The following PIEZO2 variants were observed in gnomAD, a reference collection of about 807,000 sequenced individuals.
PIEZO2 encodes piezo-type mechanosensitive ion channel component 2.
PIEZO2 carries 172 observed loss-of-function variants against 337.3 expected under a neutral mutation model. The ratio of observed to expected loss-of-function variants is 0.51; its 90% CI spans 0.45 to 0.58. The LOEUF (loss-of-function observed/expected upper bound fraction) is 0.58. Among genes scored for constraint, PIEZO2 ranks in the 20% least tolerant of loss-of-function variants. PIEZO2 has a pLI of 0.00. For missense variants in PIEZO2, 3,028 were observed against 3,391.3 expected, an observed-to-expected ratio of 0.89 and a Z score of 2.66; for synonymous variants, 1,251 against 1,228.5, an observed-to-expected ratio of 1.02 and a Z score of -0.38.
At chr18:10,981,671 G>A (rs1036936390) in intron 2 of PIEZO2, among the ~76,000 whole-genome samples, 5 of 152,152 alleles carry the variant, frequency 3.3e-5, no homozygotes, top group African/African-American at 7.2e-5. Context: ...GTTGCCAAAC[G>A]AGAGATTAAC....
Position 11,001,539 on chromosome 18 carries a change from T to C in PIEZO2, c.161-21879A>G, listed in dbSNP as rs956998034. On this transcript the variant is annotated intron_variant, in intron 2 of 55. Coordinates refer to ENST00000674853, the MANE Select transcript of PIEZO2 (RefSeq NM_001378183.1). The surrounding 1 kb of genome is among the most constrained non-coding windows in gnomAD (Gnocchi z 5.3). Reference sequence around the variant, plus strand: ...TAGCTGTATTTTGTTATGTGTTGTGTGTGCACATTTTCCAGAAATCAGAAG... The same window carrying C: ...TAGCTGTATTTTGTTATGTGTTGTGCGTGCACATTTTCCAGAAATCAGAAG... Among the ~76,000 whole-genome samples, 4 of 152,098 alleles carry C rather than the reference T, an allele frequency of 2.6e-5. No individual in the cohort carries two copies. The highest frequency in any genetic ancestry group is 5.9e-5 in the Non-Finnish European group (4 of 68,018).
intron 47 of PIEZO2, among the ~76,000 whole-genome samples, chr18:10,691,782 C>CATATATATATATATATATATAT (rs33977962): frequency 1.1e-3 from 108 of 96,356 alleles, no homozygotes; most frequent in East Asian, 2.6e-3. Context: ...CACACACACA[C>CATATATATATATATATATATAT]ATATATATAT....
intron 3 of PIEZO2, among the ~76,000 whole-genome samples, chr18:10,913,685 G>A (rs190198600): frequency 1.6e-4 from 25 of 152,040 alleles, no homozygotes; most frequent in Admixed American, 3.3e-4. Context: ...CTACTTCTGC[G>A]AAATGTAAAC....
At chr18:11,066,054 C>A in intron 2 of PIEZO2, 73 bp downstream of exon 2, 2 of 1,236,930 alleles carry the variant, frequency 1.6e-6, no homozygotes. Context: ...TAGATAAAGG[C>A]CATCCCAAGG....
intron 4 of PIEZO2, among the ~76,000 whole-genome samples, chr18:10,885,315 T>C (rs1246110445): frequency 1.3e-5 from 2 of 152,034 alleles, no homozygotes; most frequent in African/African-American, 4.8e-5. Context: ...TCCTAGCTAC[T>C]CAGGAGGCTG....
At chr18:10,947,405 G>A (rs190219663) in intron 3 of PIEZO2, among the ~76,000 whole-genome samples, 1 of 152,274 alleles carries the variant, frequency 6.6e-6, no homozygotes, top group East Asian at 1.9e-4. Context: ...TGTAAATTTT[G>A]TGTCTTATAA....
At chr18:11,075,426 A>G (rs79648529) in intron 1 of PIEZO2, among the ~76,000 whole-genome samples, 1,888 of 152,346 alleles carry the variant, frequency 0.012, 48 homozygotes, top group East Asian at 0.062. Context: ...TTCATTGTCT[A>G]TCAGTGTAGA....
intron 37 of PIEZO2, 71 bp from the exon 38 acceptor site, chr18:10,715,887 C>A: frequency 7.9e-7 from 1 of 1,272,950 alleles, no homozygotes. Flanking sequence ...TGTAGCCCAG[C>A]GATGTTTTAC....
intron 2 of PIEZO2, among the ~76,000 whole-genome samples, chr18:11,042,544 C>T (rs1447984909): frequency 6.6e-6 from 1 of 152,236 alleles, no homozygotes; most frequent in African/African-American, 2.4e-5. Context: ...TGAGATAATG[C>T]TGTCTGAGCT....
chr18:10,982,070 C>A lies in PIEZO2; in HGVS notation c.161-2410G>T, dbSNP rs2034687867. 6.6e-6 allele frequency among the ~76,000 whole-genome samples: 1 copy of A among 152,158 alleles called. No individual in the cohort carries two copies. Among genetic ancestry groups the A allele is most frequent in the South Asian group, 2.1e-4 (1 of 4,828 alleles). ...TGGGGGTCAAATTTCAACATGAGAC[C>A]TGTTGAGATGTCAAACATCCAAACT... On this transcript the variant is annotated intron_variant, in intron 2 of 55. Transcript: ENST00000674853. This position sits in a 1 kb window ranked among gnomAD's most constrained non-coding sequence, Gnocchi z 4.1.
At chr18:11,050,654 T>C (rs1362365038) in intron 2 of PIEZO2, among the ~76,000 whole-genome samples, 1 of 152,088 alleles carries the variant, frequency 6.6e-6, no homozygotes, top group Non-Finnish European at 1.5e-5. Context: ...CTAAGGACTT[T>C]GACAACAGGT....
intron 4 of PIEZO2, among the ~76,000 whole-genome samples, chr18:10,902,164 A>C (rs1464761436): frequency 6.6e-6 from 1 of 152,202 alleles, no homozygotes; most frequent in African/African-American, 2.4e-5. Flanking sequence ...ATGCCTGCTG[A>C]TCTGAGGTGG....
intron 7 of PIEZO2, among the ~76,000 whole-genome samples, chr18:10,826,244 CA>C (rs2040673673): frequency 1.3e-5 from 2 of 152,076 alleles, no homozygotes; most frequent in African/African-American, 4.8e-5. Context: ...CCTGAAAGAA[CA>C]AGAAAATATG....
chr18:10,691,120 C>T, intron 48 of PIEZO2, 105 bp downstream of exon 48: 1 of 1,293,098 alleles, frequency 7.7e-7, no homozygotes, highest in South Asian at 1.4e-5. Context: ...ACGATTCCCA[C>T]TGCTGAATTC....
At position 10,784,360 on chromosome 18, in the gene PIEZO2, G is replaced by T. The variant is rs1303052636; in HGVS notation, c.2492+424C>A. ...GCCAAAGTTCTTTATTTCCAAAGTG[G>T]AAGGGAAAACTGCCCATCATCTTTT... On this transcript the variant is annotated intron_variant, in intron 17 of 55. Transcript: ENST00000674853. This position sits in a 1 kb window ranked among gnomAD's most constrained non-coding sequence, Gnocchi z 4.5. 6.6e-6 allele frequency among the ~76,000 whole-genome samples: 1 copy of T among 152,176 alleles called. No individual in the cohort carries two copies. Among genetic ancestry groups the T allele is most frequent in the Non-Finnish European group, 1.5e-5 (1 of 68,038 alleles).
Position 10,762,572 on chromosome 18 carries a change from G to C in PIEZO2, c.3177C>G (p.Leu1059=). The C allele has an allele frequency of 6.5e-6, 10 of 1,537,464 alleles. No individual in the cohort carries two copies. Among genetic ancestry groups the C allele is most frequent in the Non-Finnish European group, 8.7e-6 (10 of 1,146,942 alleles). ...CTGTAGGATCGATAGGAGCGCTGTA[G>C]AGCAGAGACTTGTTCAACTCATTAA... is the stretch of plus-strand genomic sequence containing the variant. The part of the protein sequence containing the change: ...IPFNELNKSL[L]YSAPIDPTEW... The change falls in exon 23 of 56, where the codon CTC becomes CTG. Residue 1059 remains leucine (L), a synonymous_variant. Coordinates refer to ENST00000674853, the MANE Select transcript of PIEZO2 (RefSeq NM_001378183.1).
chr18:10,711,400 G>C (rs988240068), intron 39 of PIEZO2, among the ~76,000 whole-genome samples: 1 of 152,068 alleles, frequency 6.6e-6, no homozygotes, highest in East Asian at 1.9e-4. Context: ...GCTCATGTGT[G>C]ATACTCAGGA....
intron 2 of PIEZO2, among the ~76,000 whole-genome samples, chr18:11,049,292 A>G (rs976751350): frequency 2.0e-5 from 3 of 152,202 alleles, no homozygotes; most frequent in African/African-American, 7.2e-5. Flanking sequence ...TGAGAATTCA[A>G]GTAACTTGCT....
intron 47 of PIEZO2, among the ~76,000 whole-genome samples, chr18:10,694,803 C>T (rs1447376996): frequency 6.6e-6 from 1 of 152,112 alleles, no homozygotes; most frequent in African/African-American, 2.4e-5. Context: ...CCACTGCACT[C>T]TAGCCTGGGT....
Sources: allele counts gnomAD v4.1 joint callset (sites outside exome capture counted in the v4.1 genomes callset), GRCh38; gene constraint gnomAD v4.1.1; non-coding constraint Gnocchi (gnomAD v3.1); transcripts MANE v1.5; gene names NCBI Gene and HGNC (gene_info 2026-07-23, HGNC 2026-07-21).